CTNNA2: variants seen among roughly 807,000 people sequenced by gnomAD.
CTNNA2 encodes the protein catenin alpha 2.
Under a neutral mutation model 101.0 loss-of-function variants are expected in CTNNA2, and 42 were observed. That is an observed-to-expected ratio of 0.42 (90% confidence interval 0.32 to 0.54). The LOEUF (loss-of-function observed/expected upper bound fraction) is 0.54, where lower values mean the gene tolerates loss of function less well. Ranked by LOEUF, CTNNA2 falls within the 20% of genes least tolerant of loss-of-function variation. The pLI is 0.14. For missense variants in CTNNA2, 871 were observed against 1,223.1 expected (o/e 0.71, Z 4.29); for synonymous variants, 450 against 456.4 (o/e 0.99, Z 0.18).
chr2:79,194,202 T>C (rs17016520), intron 1 of CTNNA2, among the ~76,000 whole-genome samples: 9,080 of 152,240 alleles, frequency 0.06, 351 homozygotes, highest in East Asian at 0.14. Flanking sequence ...GCTGTAAGAA[T>C]ACTGAGAGGG....
chr2:80,645,805 C>T (rs866183722), intron 18 of CTNNA2, among the ~76,000 whole-genome samples: 3 of 152,126 alleles, frequency 2.0e-5, no homozygotes, highest in Middle Eastern at 3.4e-3. Flanking sequence ...TTTTGGTATA[C>T]GTGCATTTTG....
chr2:79,988,443 T>A (rs1691919867), intron 7 of CTNNA2, among the ~76,000 whole-genome samples: 1 of 148,370 alleles, frequency 6.7e-6, no homozygotes, highest in Non-Finnish European at 1.5e-5. Context: ...TTTGTGTTGC[T>A]CTTCTATATG....
At chr2:80,217,510 C>A (rs2149047935) in intron 7 of CTNNA2, among the ~76,000 whole-genome samples, 1 of 152,210 alleles carries the variant, frequency 6.6e-6, no homozygotes, top group African/African-American at 2.4e-5. Context: ...GACTCAGGGT[C>A]TGACCCATTG....
intron 7 of CTNNA2, among the ~76,000 whole-genome samples, chr2:79,913,033 G>C (rs1029356099): frequency 6.6e-6 from 1 of 152,148 alleles, no homozygotes; most frequent in Non-Finnish European, 1.5e-5. Flanking sequence ...AGGCTTCTGG[G>C]GATACAGAAA....
At chr2:79,482,810 A>G (rs545971767) in intron 4 of CTNNA2, among the ~76,000 whole-genome samples, 34 of 152,338 alleles carry the variant, frequency 2.2e-4, no homozygotes, top group African/African-American at 6.7e-4. Flanking sequence ...TGGTTCTCAG[A>G]CAAGGGCAAT....
chr2:79,531,773 C>T (rs957573100), intron 1 of CTNNA2, among the ~76,000 whole-genome samples: 3 of 151,766 alleles, frequency 2.0e-5, no homozygotes, highest in East Asian at 1.9e-4. Context: ...CCTCCGTCTC[C>T]GAGGTTCAAG....
chr2:79,607,190 A>G (rs546041113), intron 1 of CTNNA2, among the ~76,000 whole-genome samples: 1 of 152,240 alleles, frequency 6.6e-6, no homozygotes, highest in Non-Finnish European at 1.5e-5. Context: ...AAAGAAGTTC[A>G]TTTCATAGTG....
intron 7 of CTNNA2, among the ~76,000 whole-genome samples, chr2:80,165,048 T>G (rs2148952267): frequency 6.6e-6 from 1 of 151,688 alleles, no homozygotes; most frequent in South Asian, 2.1e-4. Context: ...CTGCTTAGGG[T>G]TTTCTGAGCT....
chr2:80,009,206 T>A (rs1693591983), intron 7 of CTNNA2, among the ~76,000 whole-genome samples: 1 of 152,168 alleles, frequency 6.6e-6, no homozygotes, highest in Admixed American at 6.6e-5. Context: ...GTAAATCTGA[T>A]AAACAGAAAA....
intron 2 of CTNNA2, among the ~76,000 whole-genome samples, chr2:79,656,049 C>T (rs1681592381): frequency 6.6e-6 from 1 of 151,948 alleles, no homozygotes; most frequent in African/African-American, 2.4e-5. Context: ...CCTTCCAGTC[C>T]CCTATCTATA....
chr2:79,568,888 G>T (rs993249110), intron 1 of CTNNA2, among the ~76,000 whole-genome samples: 1 of 112,258 alleles, frequency 8.9e-6, no homozygotes, highest in African/African-American at 4.0e-5. Flanking sequence ...AAAAAAAAAA[G>T]CCAGGCATGA....
intron 7 of CTNNA2, among the ~76,000 whole-genome samples, chr2:79,983,266 C>A (rs753355468): frequency 6.6e-6 from 1 of 150,890 alleles, no homozygotes; most frequent in Non-Finnish European, 1.5e-5. Context: ...ACATTATATA[C>A]ATTTTTATAC....
At chr2:79,489,992 C>G (rs1398688323) in intron 4 of CTNNA2, among the ~76,000 whole-genome samples, 2 of 152,164 alleles carry the variant, frequency 1.3e-5, no homozygotes, top group Non-Finnish European at 2.9e-5. Context: ...ACTCTGTACT[C>G]TGCTGTTTGC....
At chr2:79,390,554 C>G (rs1340264982) in intron 4 of CTNNA2, among the ~76,000 whole-genome samples, 1 of 152,190 alleles carries the variant, frequency 6.6e-6, no homozygotes, top group Non-Finnish European at 1.5e-5. Context: ...TCTTACAGCA[C>G]TTGTCACACA....
intron 7 of CTNNA2, chr2:80,027,972 C>CAAAAAAAAAAAAAAAAAAAAAAAAA (rs1177032489): frequency 5.0e-5 from 1 of 19,822 alleles, no homozygotes; most frequent in Non-Finnish European, 1.0e-4. Flanking sequence ...GACCCTGTCT[C>CAAAAAAAAAAAAAAAAAAAAAAAAA]AAAAAAAAAA....
chr2:79,816,288 T>C (rs1677486611), intron 3 of CTNNA2, among the ~76,000 whole-genome samples: 1 of 152,186 alleles, frequency 6.6e-6, no homozygotes, highest in African/African-American at 2.4e-5. Flanking sequence ...CTTCCAGCAC[T>C]ATGTTGAAGA....
At chr2:80,033,333 T>C (rs1052457510) in intron 7 of CTNNA2, among the ~76,000 whole-genome samples, 5 of 152,012 alleles carry the variant, frequency 3.3e-5, no homozygotes, top group African/African-American at 1.2e-4. Context: ...GAGACCATGA[T>C]GGGGTTTGAG....
At chr2:80,386,074 T>C (rs1356701273) in intron 7 of CTNNA2, among the ~76,000 whole-genome samples, 2 of 152,336 alleles carry the variant, frequency 1.3e-5, no homozygotes, top group South Asian at 2.1e-4. Context: ...CTGATATTGC[T>C]CTACTATCGG....
intron 7 of CTNNA2, among the ~76,000 whole-genome samples, chr2:80,072,017 A>G (rs1362054873): frequency 6.6e-6 from 1 of 152,186 alleles, no homozygotes; most frequent in Non-Finnish European, 1.5e-5. Flanking sequence ...ATATTGGCAG[A>G]TTTTGACCCT....
Sources: gnomAD v4.1 joint callset for allele counts (sites outside exome capture counted in the v4.1 genomes callset) on GRCh38, gnomAD v4.1.1 for gene constraint, MANE v1.5 for transcripts, NCBI Gene and HGNC (gene_info 2026-07-23, HGNC 2026-07-21) for gene names.